The following NFIA variants were observed in gnomAD, a reference collection of about 807,000 sequenced individuals.
NFIA encodes the protein nuclear factor I A.
NFIA carries 8 observed loss-of-function variants against 62.8 expected under a neutral mutation model. The observed-to-expected ratio is 0.13, with a 90% CI of 0.07 to 0.23. NFIA has a LOEUF of 0.23. Ranked by LOEUF, NFIA falls within the 10% of genes least tolerant of loss-of-function variation. The pLI, the probability that NFIA is intolerant of heterozygous loss-of-function variation, is 1.00. For synonymous variants in NFIA, 235 were observed against 238.1 expected, an observed-to-expected ratio of 0.99 and a Z score of 0.12; for missense variants, 410 against 642.1, an observed-to-expected ratio of 0.64 and a Z score of 3.91.
chr1:61,288,799 C>T (rs1462395388), intron 3 of NFIA, among the ~76,000 whole-genome samples: 3 of 152,172 alleles, frequency 2.0e-5, no homozygotes, highest in Non-Finnish European at 4.4e-5. Flanking sequence ...AGAGCTCTCA[C>T]TCCCATTGCC....
chr1:61,116,886 T>C (rs1646801722), intron 2 of NFIA, among the ~76,000 whole-genome samples: 1 of 152,256 alleles, frequency 6.6e-6, no homozygotes, highest in Non-Finnish European at 1.5e-5. Context: ...AATAATGACC[T>C]TGTGTTGGCT....
At chr1:61,172,315 A>T (rs199671983) in intron 2 of NFIA, among the ~76,000 whole-genome samples, 69 of 3,260 alleles carry the variant, frequency 0.021, no homozygotes, top group African/African-American at 0.025. Flanking sequence ...TGAGTCAGAT[A>T]ATGTGGATAT....
intron 9 of NFIA, among the ~76,000 whole-genome samples, chr1:61,421,605 A>G (rs1034800924): frequency 6.6e-6 from 1 of 152,278 alleles, no homozygotes; most frequent in Admixed American, 6.5e-5. Context: ...ACCCTGCCGT[A>G]TCTTTTCTGC....
chr1:61,413,870 C>G lies in NFIA; in HGVS notation c.1420+7143C>G, dbSNP rs534963553. 9.2e-5 allele frequency among the ~76,000 whole-genome samples: 14 copies of G among 152,152 alleles called. 1 individual carries two copies. The highest frequency in any genetic ancestry group is 3.1e-4 in the African/African-American group (13 of 41,540). ...CTCGAACTCCTGACCTTGTGATCCA[C>G]CCGCCTCAACCTCCCAAAGTGCTGG... On this transcript the variant is annotated intron_variant, in intron 9 of 10. Transcript: ENST00000403491.
At chr1:61,250,674 A>C (rs747754963) in intron 2 of NFIA, among the ~76,000 whole-genome samples, 3 of 152,204 alleles carry the variant, frequency 2.0e-5, no homozygotes, top group Non-Finnish European at 4.4e-5. Flanking sequence ...AAAAGGCTCT[A>C]TCTCTTTTCT....
intron 2 of NFIA, among the ~76,000 whole-genome samples, chr1:61,274,054 T>C (rs1279082383): frequency 1.3e-5 from 2 of 152,302 alleles, no homozygotes; most frequent in South Asian, 4.1e-4. Flanking sequence ...CGTTCTTGCA[T>C]TGTACAAGCG....
At chr1:61,093,025 A>G (rs1368398034) in intron 2 of NFIA, among the ~76,000 whole-genome samples, 1 of 152,184 alleles carries the variant, frequency 6.6e-6, no homozygotes, top group Non-Finnish European at 1.5e-5. Flanking sequence ...GAATATTATA[A>G]TTTTTATAAA....
intron 2 of NFIA, among the ~76,000 whole-genome samples, chr1:61,108,530 G>A (rs4915728): frequency 0.93 from 140,770 of 151,730 alleles, 65,400 homozygotes; most frequent in East Asian, 0.96. Flanking sequence ...AATGCAAACA[G>A]TGAGAAAGAT....
chr1:61,248,638 C>T (rs1385304871), intron 2 of NFIA, among the ~76,000 whole-genome samples: 1 of 152,190 alleles, frequency 6.6e-6, no homozygotes, highest in African/African-American at 2.4e-5. Context: ...CAAAACGTTT[C>T]TTTGTGAAAG....
At chr1:61,112,136 TA>T (rs1221302940) in intron 2 of NFIA, among the ~76,000 whole-genome samples, 2 of 151,206 alleles carry the variant, frequency 1.3e-5, no homozygotes, top group South Asian at 2.1e-4. Context: ...TTTTTTTTTT[TA>T]AAAAAAAACT....
chr1:61,178,228 G>C (rs1458645334), intron 2 of NFIA, among the ~76,000 whole-genome samples: 2 of 152,136 alleles, frequency 1.3e-5, no homozygotes, highest in East Asian at 3.9e-4. Context: ...CAAATAATTA[G>C]TTTAGTTTGT....
chr1:61,139,846 A>G (rs926283432), intron 2 of NFIA, among the ~76,000 whole-genome samples: 62 of 149,180 alleles, frequency 4.2e-4, no homozygotes, highest in African/African-American at 1.4e-3. Flanking sequence ...CCACGGAGGT[A>G]TAACATTGTT....
At chr1:61,086,339 A>T (rs537402207) in intron 1 of NFIA, among the ~76,000 whole-genome samples, 1 of 152,188 alleles carries the variant, frequency 6.6e-6, no homozygotes, top group African/African-American at 2.4e-5. Flanking sequence ...GGTTTGGCGT[A>T]TACCTTTGCA....
chr1:61,344,065 T>G (rs1324075943), intron 4 of NFIA, among the ~76,000 whole-genome samples: 1 of 152,234 alleles, frequency 6.6e-6, no homozygotes, highest in African/African-American at 2.4e-5. Flanking sequence ...ATTTTTTTTC[T>G]TTCTAAAAGC....
rs950003469 is a variant in NFIA, at chr1:61,399,295, G to A, written c.1076-4809G>A. Among the ~76,000 whole-genome samples, 6 of 152,168 alleles carry A rather than the reference G, an allele frequency of 3.9e-5. No homozygotes were observed. The East Asian group carries it at 1.2e-3, about 29-fold the overall frequency. On this transcript the variant is annotated intron_variant, in intron 7 of 10. Coordinates refer to ENST00000403491, the MANE Select transcript of NFIA (RefSeq NM_001134673.4). ...ATTATTCGCTCTTGTGAGGGAAGAA[G>A]CCTGTATATAACACTGCCTTAAGAG...
chr1:61,414,270 A>G (rs1666254148), intron 9 of NFIA, among the ~76,000 whole-genome samples: 2 of 152,374 alleles, frequency 1.3e-5, no homozygotes, highest in Middle Eastern at 3.4e-3. Context: ...GGCATTAGCC[A>G]CTGTGCCCAG....
chr1:61,218,290 G>C (rs1653773919), intron 2 of NFIA, among the ~76,000 whole-genome samples: 1 of 152,196 alleles, frequency 6.6e-6, no homozygotes. Flanking sequence ...AATGGAAATG[G>C]GGGTTCTTCA....
At chr1:61,119,794 A>G (rs1320097803) in intron 2 of NFIA, among the ~76,000 whole-genome samples, 1 of 152,198 alleles carries the variant, frequency 6.6e-6, no homozygotes, top group Non-Finnish European at 1.5e-5. Flanking sequence ...ATTTTCCGTG[A>G]AGAATTAGTA....
At chr1:61,374,534 G>A (rs192192613) in intron 6 of NFIA, among the ~76,000 whole-genome samples, 71 of 152,246 alleles carry the variant, frequency 4.7e-4, no homozygotes, top group African/African-American at 1.6e-3. Context: ...CATTTTCCTT[G>A]TGTCTATTCT....
Sources: allele counts gnomAD v4.1 joint callset (sites outside exome capture counted in the v4.1 genomes callset), GRCh38; gene constraint gnomAD v4.1.1; transcripts MANE v1.5; gene names NCBI Gene and HGNC (gene_info 2026-07-23, HGNC 2026-07-21).